EEF1AKMT2: variants seen among roughly 807,000 people sequenced by gnomAD.
The protein encoded by EEF1AKMT2 is EEF1A lysine methyltransferase 2.
Under a neutral mutation model 35.8 loss-of-function variants are expected in EEF1AKMT2, and 32 were observed. That is an observed-to-expected ratio of 0.89 (90% CI 0.67 to 1.20). The LOEUF (loss-of-function observed/expected upper bound fraction) is 1.20, where lower values mean the gene tolerates loss of function less well. Ranked by LOEUF, EEF1AKMT2 falls within the 50% of genes most tolerant of loss-of-function variation. The pLI, the probability that EEF1AKMT2 is intolerant of heterozygous loss-of-function variation, is 0.00. For missense variants in EEF1AKMT2, 330 were observed against 347.5 expected, an observed-to-expected ratio of 0.95 and a Z score of 0.40; for synonymous variants, 121 against 133.7, an observed-to-expected ratio of 0.91 and a Z score of 0.65.
chr10:124,760,936 C>A (rs1255423911), intron 6 of EEF1AKMT2, among the ~76,000 whole-genome samples: 1 of 152,240 alleles, frequency 6.6e-6, no homozygotes, highest in East Asian at 1.9e-4. Context: ...GTGGCACAAG[C>A]TCAGCTCACT....
At chr10:124,762,874 T>C (rs775749422) in intron 5 of EEF1AKMT2, among the ~76,000 whole-genome samples, 38 of 152,168 alleles carry the variant, frequency 2.5e-4, no homozygotes, top group Non-Finnish European at 4.7e-4. Flanking sequence ...GGATATTTAA[T>C]AATAAAAATT....
intron 3 of EEF1AKMT2, among the ~76,000 whole-genome samples, chr10:124,788,723 T>A: frequency 7.4e-6 from 1 of 134,804 alleles, no homozygotes; most frequent in African/African-American, 2.7e-5. Context: ...TATATATATA[T>A]ATATATGCAT....
At chr10:124,765,704 C>G (rs111338025) in intron 4 of EEF1AKMT2, 96 bp from the exon 5 acceptor site, 1 of 861,188 alleles carries the variant, frequency 1.2e-6, no homozygotes, top group African/African-American at 1.7e-5. Context: ...TAAAAGGACC[C>G]ATTAATTATA....
chr10:124,788,710 T>TTATATATATACATATATATATA (rs1554920486), intron 3 of EEF1AKMT2, among the ~76,000 whole-genome samples: 5 of 92,506 alleles, frequency 5.4e-5, no homozygotes, highest in Non-Finnish European at 9.7e-5. Context: ...AAGGTCATCT[T>TTATATATATACATATATATATA]TATATATATA....
intron 4 of EEF1AKMT2, among the ~76,000 whole-genome samples, chr10:124,771,316 GTCT>G (rs1950432864): frequency 2.0e-5 from 3 of 151,566 alleles, no homozygotes; most frequent in Admixed American, 2.0e-4. Context: ...AGCCAGGATG[GTCT>G]TGATCTCCTG....
At chr10:124,778,722 C>CAAAAAAAAA (rs11405149) in intron 3 of EEF1AKMT2, among the ~76,000 whole-genome samples, 3 of 119,478 alleles carry the variant, frequency 2.5e-5, no homozygotes, top group Non-Finnish European at 1.7e-5. Context: ...GACTCCGTAC[C>CAAAAAAAAA]AAAAAAAAAA....
intron 3 of EEF1AKMT2, among the ~76,000 whole-genome samples, chr10:124,780,150 C>A (rs1950528140): frequency 6.6e-6 from 1 of 152,124 alleles, no homozygotes; most frequent in African/African-American, 2.4e-5. Context: ...TCAACTCTAC[C>A]AATGCAACAC....
chr10:124,758,714 C>T lies in EEF1AKMT2; in HGVS notation c.*1789G>A, dbSNP rs994193022. 6.6e-6 allele frequency: 1 copy of T among 151,892 alleles called. No homozygotes were observed. Among genetic ancestry groups the T allele is most frequent in the Non-Finnish European group, 1.5e-5 (1 of 67,984 alleles). The allele number at this position is 151,892 out of a possible 1,614,324, so 9.4% of individuals were successfully genotyped here. A position where few individuals can be genotyped will look rare whatever the true frequency, so the allele number is the denominator to read the frequency against. On this transcript the variant is annotated 3_prime_UTR_variant, in exon 7 of 7. Transcript: ENST00000368836. ...AACTCAAAATTCTAAGAGTACTTATCTATGTTATATTTGAAATCAAAGAAT... is the reference window on the plus strand; with the variant it reads ...AACTCAAAATTCTAAGAGTACTTATTTATGTTATATTTGAAATCAAAGAAT...
chr10:124,757,158 A>G (rs1222891388), downstream of EEF1AKMT2, among the ~76,000 whole-genome samples: 1 of 123,444 alleles, frequency 8.1e-6, no homozygotes, highest in Non-Finnish European at 1.7e-5. Flanking sequence ...GCCCATCAAC[A>G]CTCCCTCCCA....
At chr10:124,787,304 G>A (rs190002305) in intron 3 of EEF1AKMT2, among the ~76,000 whole-genome samples, 17 of 151,772 alleles carry the variant, frequency 1.1e-4, no homozygotes, top group South Asian at 4.2e-4. Context: ...ATAATGGCGT[G>A]CGCCTGTAAT....
chr10:124,766,887 C>T lies in EEF1AKMT2; in HGVS notation c.400-1279G>A, dbSNP rs536783126. 3.9e-4 allele frequency among the ~76,000 whole-genome samples: 60 copies of T among 152,228 alleles called. 1 individual carries two copies. The highest frequency in any genetic ancestry group is 1.9e-4 in the East Asian group (1 of 5,186). On this transcript the variant is annotated intron_variant, in intron 4 of 6. Transcript: ENST00000368836. ...TAACAGTAAACAAAACAGAGCCAGG[C>T]GCAGTGGCTCACGCCTGTAATCCCA...
At chr10:124,783,135 AC>A (rs1221478214) in intron 3 of EEF1AKMT2, among the ~76,000 whole-genome samples, 8 of 140,508 alleles carry the variant, frequency 5.7e-5, no homozygotes, top group Non-Finnish European at 6.1e-5. Context: ...ATAGGGAAAA[AC>A]CTTTTTTTTT....
chr10:124,774,013 T>C (rs540467973), intron 4 of EEF1AKMT2, among the ~76,000 whole-genome samples: 130 of 152,246 alleles, frequency 8.5e-4, no homozygotes, highest in African/African-American at 3.0e-3. Context: ...TCACAGATCA[T>C]AGGACACAAA....
chr10:124,791,481 C>T (rs1950633979), intron 1 of EEF1AKMT2, among the ~76,000 whole-genome samples: 1 of 152,202 alleles, frequency 6.6e-6, no homozygotes, highest in African/African-American at 2.4e-5. Context: ...GAGCCAAAGC[C>T]TGTCCCGCAC....
rs1429744160 is a variant in EEF1AKMT2 at position 124,759,907 on chromosome 10, T to A, written c.*596A>T. 6.5e-6 allele frequency: 1 copy of A among 152,760 alleles called. No individual in the cohort carries two copies. Among genetic ancestry groups the A allele is most frequent in the East Asian group, 1.9e-4 (1 of 5,206 alleles). 9.5% of individuals were successfully genotyped at this position (152,760 alleles called of 1,614,324 possible). A position where few individuals can be genotyped will look rare whatever the true frequency, so the allele number is the denominator to read the frequency against. On this transcript the variant is annotated 3_prime_UTR_variant, in exon 7 of 7. Transcript: ENST00000368836. Reference sequence around the variant, plus strand: ...ATATACATAAAGGTAAGAGGCCTTTTCACAGGTATTAATTAAGTTTAAAAA... The same window carrying A: ...ATATACATAAAGGTAAGAGGCCTTTACACAGGTATTAATTAAGTTTAAAAA...
intron 4 of EEF1AKMT2, among the ~76,000 whole-genome samples, chr10:124,768,064 C>T (rs1281517719): frequency 6.6e-6 from 1 of 152,170 alleles, no homozygotes; most frequent in Non-Finnish European, 1.5e-5. Flanking sequence ...TGAGAATGAA[C>T]CAAACATGCT....
intron 5 of EEF1AKMT2, 52 bp from the exon 6 acceptor site, chr10:124,762,610 T>C (rs1315296602): frequency 9.1e-6 from 9 of 987,094 alleles, no homozygotes; most frequent in African/African-American, 3.4e-5. Flanking sequence ...ATAAAAATTA[T>C]ATTATTGCAT....
At chr10:124,769,303 G>A (rs912430512) in intron 4 of EEF1AKMT2, among the ~76,000 whole-genome samples, 2 of 143,046 alleles carry the variant, frequency 1.4e-5, no homozygotes, top group Non-Finnish European at 1.5e-5. Context: ...GGAAAAAGAA[G>A]AATCAAGGAT....
chr10:124,760,392 TCGTCC>T lies in EEF1AKMT2; in HGVS notation c.*106_*110del. On this transcript the variant is annotated 3_prime_UTR_variant, in exon 7 of 7. Coordinates refer to ENST00000368836, the MANE Select transcript of EEF1AKMT2 (RefSeq NM_212554.4). Reference sequence around the variant, plus strand: ...GTAGATTCTGTGTAGCTACCTGAATTCGTCCAAGAAAAAGTCTCACATTTTTTGGA... The same window carrying T: ...GTAGATTCTGTGTAGCTACCTGAATTAAGAAAAAGTCTCACATTTTTTGGA... The T allele has an allele frequency of 6.3e-7, 1 of 1,575,538 alleles. No homozygotes were observed. Among genetic ancestry groups the T allele is most frequent in the Non-Finnish European group, 8.7e-7 (1 of 1,146,382 alleles).
Sources: allele counts gnomAD v4.1 joint callset (sites outside exome capture counted in the v4.1 genomes callset), GRCh38; gene constraint gnomAD v4.1.1; transcripts MANE v1.5; gene names NCBI Gene and HGNC (gene_info 2026-07-23, HGNC 2026-07-21).